Variants in ARG1 observed in about 807,000 individuals in gnomAD.
The protein encoded by ARG1 is arginase-1.
Under a neutral mutation model 33.0 loss-of-function variants are expected in ARG1, and 20 were observed. That is an observed-to-expected ratio of 0.61 (90% confidence interval 0.43 to 0.88). The LOEUF (loss-of-function observed/expected upper bound fraction) is 0.88. Ranked by LOEUF, ARG1 falls within the 40% of genes least tolerant of loss-of-function variation. The pLI is 0.00. For missense variants in ARG1, 374 were observed against 384.7 expected (o/e 0.97, Z 0.23); for synonymous variants, 146 against 140.6 (o/e 1.04, Z -0.27).
chr6:131,579,212 G>A lies in ARG1; in HGVS notation c.232G>A (p.Glu78Lys), dbSNP rs547122192. 1.5e-5 allele frequency: 24 copies of A among 1,614,082 alleles called. No homozygotes were observed. The highest frequency in any genetic ancestry group is 4.5e-5 in the East Asian group (2 of 44,880). The change falls in exon 3 of 8, where the codon GAG (glutamate) becomes AAG (lysine). Residue 78 changes from glutamate to lysine, a missense_variant. By Grantham distance (56) the Glu-to-Lys change is moderately conservative (BLOSUM62 1). Transcript: ENST00000368087. ...TCCAAGGTCTGTGGGAAAAGCAAGCGAGCAGCTGGCTGGCAAGGTGGCAGA... is the reference window on the plus strand; with the variant it reads ...TCCAAGGTCTGTGGGAAAAGCAAGCAAGCAGCTGGCTGGCAAGGTGGCAGA... ...KNPRSVGKAS[E>K]QLAGKVAEVK...
At chr6:131,577,501 C>T (rs1773678016) in intron 2 of ARG1, among the ~76,000 whole-genome samples, 1 of 152,036 alleles carries the variant, frequency 6.6e-6, no homozygotes, top group African/African-American at 2.4e-5. Context: ...TGGGGGCAGC[C>T]ATATTTATAA....
intron 3 of ARG1, 161 bp downstream of exon 3, chr6:131,579,446 G>GAAAC: frequency 1.4e-6 from 1 of 694,924 alleles, no homozygotes; most frequent in South Asian, 2.0e-5. Context: ...TTTTATTATA[G>GAAAC]AAACAGACTT....
At chr6:131,579,829 CGTGT>C (rs367611464) in intron 3 of ARG1, among the ~76,000 whole-genome samples, 31 of 149,422 alleles carry the variant, frequency 2.1e-4, no homozygotes, top group African/African-American at 7.4e-4. Flanking sequence ...CTTTGTTTAA[CGTGT>C]GTGTGTGTGT....
intron 2 of ARG1, among the ~76,000 whole-genome samples, chr6:131,578,496 A>T (rs768643718): frequency 5.3e-5 from 8 of 152,142 alleles, no homozygotes; most frequent in Non-Finnish European, 8.8e-5. Flanking sequence ...TTTCCTTACT[A>T]AAAAGAATAA....
Position 131,583,762 on chromosome 6 carries a change from A to G in ARG1, c.823A>G (p.Ile275Val), listed in dbSNP as rs1774060317. 1.2e-6 allele frequency: 2 copies of G among 1,614,046 alleles called. No individual in the cohort carries two copies. The highest frequency in any genetic ancestry group is 1.7e-6 in the Non-Finnish European group (2 of 1,179,916). Residue 275 changes from isoleucine (I) to valine (V), a missense_variant, in exon 8 of 8, where the codon ATA (isoleucine) becomes GTA (valine). Physicochemically the swap from Ile to Val is conservative, Grantham distance 29. Coordinates refer to ENST00000368087, the MANE Select transcript of ARG1 (RefSeq NM_000045.4). The part of the protein sequence containing the change: ...YKTGLLSGLD[I>V]MEVNPSLGKT... ...TGTAGGGCTACTCTCAGGATTAGAT[A>G]TAATGGAAGTGAACCCATCCCTGGG... is the stretch of plus-strand genomic sequence containing the variant.
chr6:131,576,049 T>C (rs1382312004), intron 1 of ARG1, among the ~76,000 whole-genome samples: 1 of 152,208 alleles, frequency 6.6e-6, no homozygotes, highest in African/African-American at 2.4e-5. Context: ...GCAGAGTTTC[T>C]CCATCACTCT....
chr6:131,581,437 G>A, intron 4 of ARG1, 59 bp downstream of exon 4: 2 of 1,531,132 alleles, frequency 1.3e-6, no homozygotes, highest in Non-Finnish European at 1.8e-6. Flanking sequence ...CATTCAGGAG[G>A]TGGAAGGGAA....
intron 3 of ARG1, among the ~76,000 whole-genome samples, chr6:131,580,419 T>A (rs181201168): frequency 7.9e-5 from 12 of 152,350 alleles, no homozygotes; most frequent in African/African-American, 2.4e-4. Context: ...TAAAAGCTCA[T>A]GATTCTCTGA....
intron 2 of ARG1, among the ~76,000 whole-genome samples, chr6:131,577,794 A>G (rs1773693893): frequency 1.3e-5 from 2 of 151,800 alleles, no homozygotes; most frequent in African/African-American, 4.8e-5. Context: ...AGTCCCAGCT[A>G]CTTGGGAGGC....
At chr6:131,574,633 G>C (rs756411775) in intron 1 of ARG1, among the ~76,000 whole-genome samples, 12 of 151,874 alleles carry the variant, frequency 7.9e-5, no homozygotes, top group Non-Finnish European at 1.6e-4. Flanking sequence ...AAGTCATAGA[G>C]TAGAGAGGAT....
chr6:131,582,703 A>T lies in ARG1; in HGVS notation c.548A>T (p.Asp183Val), dbSNP rs1322321449. 1.2e-6 allele frequency: 2 copies of T among 1,613,668 alleles called. No homozygotes were observed. Among genetic ancestry groups the T allele is most frequent in the Admixed American group, 1.7e-5 (1 of 59,998 alleles). Residue 183 changes from aspartate to valine, a missense_variant, in exon 5 of 8, where the codon GAC becomes GTC. Coordinates refer to ENST00000368087, the MANE Select transcript of ARG1 (RefSeq NM_000045.4). The part of the protein sequence containing the change: ...DIVYIGLRDV[D>V]PGEHYILKTL... ...GTGTATATTGGCTTGAGAGACGTGG[A>T]CCCTGGGGAACAGTAAGCTTATTCC... is the stretch of plus-strand genomic sequence containing the variant.
intron 3 of ARG1, among the ~76,000 whole-genome samples, chr6:131,580,530 T>G (rs1160665717): frequency 2.0e-5 from 3 of 152,190 alleles, no homozygotes; most frequent in Non-Finnish European, 4.4e-5. Context: ...CCGCAATACT[T>G]TTGCACCAAC....
At position 131,584,036 on chromosome 6, in the gene ARG1, ACT is replaced by A. The variant is rs1774078280; in HGVS notation, c.*131_*132del. On this transcript the variant is annotated 3_prime_UTR_variant, in exon 8 of 8. Coordinates refer to ENST00000368087, the MANE Select transcript of ARG1 (RefSeq NM_000045.4). ...AAAAATGTTTTTCCAATTAGTATAA[ACT>A]CTACAAATTCCCTCTTGGTGTAAAA... The A allele has an allele frequency of 9.5e-7, 1 of 1,055,664 alleles. No individual in the cohort carries two copies. Among genetic ancestry groups the A allele is most frequent in the South Asian group, 1.6e-5 (1 of 61,090 alleles). The allele number at this position is 1,055,664 out of a possible 1,614,324, so 65.4% of individuals were successfully genotyped here.
intron 5 of ARG1, 100 bp downstream of exon 5, chr6:131,582,815 A>G: frequency 1.5e-6 from 1 of 669,174 alleles, no homozygotes; most frequent in South Asian, 1.7e-5. Flanking sequence ...AAACATCAAG[A>G]CACACACACA....
Position 131,584,107 on chromosome 6 carries a change from A to G in ARG1, c.*199A>G, listed in dbSNP as rs1774081567. On this transcript the variant is annotated 3_prime_UTR_variant, in exon 8 of 8. Coordinates refer to ENST00000368087, the MANE Select transcript of ARG1 (RefSeq NM_000045.4). ...TAACTTTTTTGAAATTTAAAAGCTTATATTTTCTAACTTGGCAAAAGACTT... is the reference window on the plus strand; with the variant it reads ...TAACTTTTTTGAAATTTAAAAGCTTGTATTTTCTAACTTGGCAAAAGACTT... The G allele has an allele frequency of 1.6e-6, 1 of 621,260 alleles. No homozygotes were observed. The allele number at this position is 621,260 out of a possible 1,614,324, so 38.5% of individuals were successfully genotyped here. A position where few individuals can be genotyped will look rare whatever the true frequency, so the allele number is the denominator to read the frequency against.
intron 1 of ARG1, 125 bp downstream of exon 1, chr6:131,573,464 T>C: frequency 2.3e-6 from 2 of 882,644 alleles, no homozygotes; most frequent in Non-Finnish European, 3.7e-6. Context: ...GAAATGCATA[T>C]TTTAAAGTCC....
intron 3 of ARG1, among the ~76,000 whole-genome samples, chr6:131,580,304 A>G (rs948070921): frequency 6.6e-6 from 1 of 152,198 alleles, no homozygotes; most frequent in Non-Finnish European, 1.5e-5. Flanking sequence ...TGGAAATTTT[A>G]GGAATGGCAC....
chr6:131,581,188 T>A, intron 3 of ARG1, 31 bp from the exon 4 acceptor site: 1 of 1,612,442 alleles, frequency 6.2e-7, no homozygotes, highest in Admixed American at 1.7e-5. Context: ...ACTGCAAACC[T>A]GATGTTCACA....
Position 131,581,262 on chromosome 6 carries a change from G to A in ARG1, c.349G>A (p.Asp117Asn), listed in dbSNP as rs754655577. The A allele has an allele frequency of 2.5e-5, 41 of 1,613,784 alleles. No individual in the cohort carries two copies. Among genetic ancestry groups the A allele is most frequent in the Non-Finnish European group, 3.5e-5 (41 of 1,179,834 alleles). Residue 117 changes from aspartate to asparagine, a missense_variant, in exon 4 of 8, where the codon GAT (aspartate) becomes AAT (asparagine). Coordinates refer to ENST00000368087, the MANE Select transcript of ARG1 (RefSeq NM_000045.4). ...CTCTGGCCATGCCAGGGTCCACCCT[G>A]ATCTTGGAGTCATCTGGGTGGATGC... ...SISGHARVHPDLGVIWVDAHT... is the reference protein window; with the variant it reads ...SISGHARVHPNLGVIWVDAHT...
Sources: gnomAD v4.1 joint callset for allele counts (sites outside exome capture counted in the v4.1 genomes callset) on GRCh38, gnomAD v4.1.1 for gene constraint, MANE v1.5 for transcripts, NCBI Gene and HGNC (gene_info 2026-07-23, HGNC 2026-07-21) for gene names.